NCKAP1L: variants seen among roughly 807,000 people sequenced by gnomAD.
The protein encoded by NCKAP1L is NCK associated protein 1 like.
Under a neutral mutation model 139.2 loss-of-function variants are expected in NCKAP1L, and 53 were observed. The observed-to-expected ratio is 0.38, with a 90% CI of 0.31 to 0.48. The LOEUF (loss-of-function observed/expected upper bound fraction) is 0.48. Ranked by LOEUF, NCKAP1L falls within the 20% of genes least tolerant of loss-of-function variation. The pLI is 0.98. For synonymous variants in NCKAP1L, 468 were observed against 499.7 expected (o/e 0.94, Z 0.85); for missense variants, 1,151 against 1,381.9 (o/e 0.83, Z 2.65).
At chr12:54,517,384 G>A in intron 11 of NCKAP1L, 149 bp from the exon 12 acceptor site, 4 of 633,096 alleles carry the variant, frequency 6.3e-6, no homozygotes, top group Non-Finnish European at 1.1e-5. Context: ...TTCTGTAGTT[G>A]AGGTTTTTTG....
rs995152217 is a variant in NCKAP1L at position 54,546,083 on chromosome 12, G to T, written c.*3398G>T. On this transcript the variant is annotated 3_prime_UTR_variant, in exon 31 of 31. Coordinates refer to ENST00000293373, the MANE Select transcript of NCKAP1L (RefSeq NM_005337.5). ...TCCAAAAATACAAAAAATTAGCTGG[G>T]CATGGTGGCTGTTGTCTGTAATCCC... 1 of 152,260 alleles carries T rather than the reference G, an allele frequency of 6.6e-6. No individual in the cohort carries two copies. The highest frequency in any genetic ancestry group is 1.5e-5 in the Non-Finnish European group (1 of 68,116). 9.4% of individuals were successfully genotyped at this position (152,260 alleles called of 1,614,324 possible). A position where few individuals can be genotyped will look rare whatever the true frequency, so the allele number is the denominator to read the frequency against.
Position 54,526,205 on chromosome 12 carries a change from C to G in NCKAP1L, c.2157-323C>G, listed in dbSNP as rs377164196. ...GATGGAATTAGAGAGCCCAGGTCTTCTACTACCTGAGCTATTTCTCCAGAG... is the reference window on the plus strand; with the variant it reads ...GATGGAATTAGAGAGCCCAGGTCTTGTACTACCTGAGCTATTTCTCCAGAG... On this transcript the variant is annotated intron_variant, in intron 20 of 30. Transcript: ENST00000293373. Among the ~76,000 whole-genome samples the G allele has an allele frequency of 3.9e-5, 6 of 152,282 alleles. No individual in the cohort carries two copies. In the East Asian group the frequency reaches 9.6e-4, roughly 24 times the overall value.
In NCKAP1L at chr12:54,531,425, G is replaced by C. The variant is rs180958619; in HGVS notation, c.2605-66G>C. 6.5e-5 allele frequency: 104 copies of C among 1,597,506 alleles called. No individual in the cohort carries two copies. The African/African-American group carries it at 1.0e-3, about 15-fold the overall frequency. ...GGAAAGAGGGTGGGTATAGGAGACT[G>C]GGGGGGAAGATGTAACATTGGTCTC... On this transcript the variant is annotated intron_variant, in intron 23 of 30. Coordinates refer to ENST00000293373, the MANE Select transcript of NCKAP1L (RefSeq NM_005337.5).
Position 54,531,364 on chromosome 12 carries a change from T to A in NCKAP1L, c.2604+7T>A. 1 of 1,613,822 alleles carries A rather than the reference T, an allele frequency of 6.2e-7. No individual in the cohort carries two copies. Among genetic ancestry groups the A allele is most frequent in the Non-Finnish European group, 8.5e-7 (1 of 1,179,774 alleles). ...TCAGATTGTGGAGCTGAAGGTACTA[T>A]GGAAACAATCCCTTGGGGAAAAGAT... On this transcript the variant is annotated splice_region_variant and intron_variant, in intron 23 of 30. Transcript: ENST00000293373.
At chr12:54,512,959 A>G (rs1042874613) in intron 9 of NCKAP1L, among the ~76,000 whole-genome samples, 2 of 152,322 alleles carry the variant, frequency 1.3e-5, no homozygotes, top group South Asian at 4.1e-4. Context: ...GTGCATGGGC[A>G]TCTGGGTTAT....
chr12:54,522,425 T>A (rs1044460526), intron 18 of NCKAP1L, among the ~76,000 whole-genome samples: 1 of 152,240 alleles, frequency 6.6e-6, no homozygotes, highest in African/African-American at 2.4e-5. Context: ...TTTTCACACA[T>A]ACAGAACTTT....
intron 3 of NCKAP1L, among the ~76,000 whole-genome samples, chr12:54,506,796 A>AAAAAAAATATATATATATAT: frequency 3.2e-4 from 16 of 50,606 alleles, no homozygotes; most frequent in African/African-American, 8.8e-4. Flanking sequence ...AAAAAAAAAA[A>AAAAAAAATATATATATATAT]ATATATATAT....
At chr12:54,525,058 T>C (rs1231160814) in intron 20 of NCKAP1L, among the ~76,000 whole-genome samples, 4 of 152,174 alleles carry the variant, frequency 2.6e-5, no homozygotes, top group African/African-American at 9.7e-5. Context: ...AGACAGTGTG[T>C]CTGCAGCACT....
At position 54,531,841 on chromosome 12, in the gene NCKAP1L, G is replaced by T. The variant is rs1238169008; in HGVS notation, c.2781+16G>T. The stretch of plus-strand genomic sequence containing the variant: ...ACTTCGGGAGGTGAGTTGGTGGGGA[G>T]GGGTCTGTCACAGAGTCACAGATAC... On this transcript the variant is annotated intron_variant, in intron 25 of 30. Transcript: ENST00000293373. The T allele has an allele frequency of 2.5e-6, 4 of 1,597,992 alleles. No individual in the cohort carries two copies. Among genetic ancestry groups the T allele is most frequent in the Middle Eastern group, 1.7e-4 (1 of 6,028 alleles).
rs370847426 is a variant in NCKAP1L, at chr12:54,518,699, G to A, written c.1387G>A (p.Val463Ile). ...EEESIIMSSF[V>I]SILSSLNLKQ... ...GGAGTCCATCATCATGTCCTCATTC[G>A]TCAGTATCCTCTCCTCTCTGAATCT... Residue 463 changes from valine (V) to isoleucine (I), a missense_variant, in exon 14 of 31, where the codon GTC (valine) becomes ATC (isoleucine). By Grantham distance (29) the Val-to-Ile change is conservative. Transcript: ENST00000293373. 16 of 1,614,006 alleles carry A rather than the reference G, an allele frequency of 9.9e-6. No individual in the cohort carries two copies. In the African/African-American group the frequency reaches 1.7e-4, roughly 17 times the overall value.
At chr12:54,538,197 G>T (rs1957127955) in intron 29 of NCKAP1L, among the ~76,000 whole-genome samples, 1 of 152,154 alleles carries the variant, frequency 6.6e-6, no homozygotes, top group South Asian at 2.1e-4. Flanking sequence ...ACATGTCAGG[G>T]ATCATAAGAT....
intron 20 of NCKAP1L, among the ~76,000 whole-genome samples, chr12:54,525,664 T>G (rs1565679845): frequency 6.6e-6 from 1 of 152,224 alleles, no homozygotes; most frequent in Non-Finnish European, 1.5e-5. Flanking sequence ...CCTTCTGTAT[T>G]ATCTTCCCTT....
chr12:54,506,896 G>A (rs1214095375), intron 3 of NCKAP1L, among the ~76,000 whole-genome samples: 10 of 145,346 alleles, frequency 6.9e-5, no homozygotes, highest in South Asian at 6.5e-4. Context: ...TAGGAACTAG[G>A]AACAAAACGA....
chr12:54,520,899 G>C, intron 17 of NCKAP1L, 73 bp downstream of exon 17: 1 of 1,594,384 alleles, frequency 6.3e-7, no homozygotes. Context: ...CAATTCCAAG[G>C]GTTGATTTTG....
chr12:54,505,321 T>A (rs1956831302), intron 3 of NCKAP1L, among the ~76,000 whole-genome samples: 1 of 152,194 alleles, frequency 6.6e-6, no homozygotes, highest in Non-Finnish European at 1.5e-5. Flanking sequence ...ACAGCCTTTT[T>A]TTGGAAGATA....
chr12:54,498,406 T>C (rs1956768276), intron 1 of NCKAP1L, among the ~76,000 whole-genome samples: 1 of 120,574 alleles, frequency 8.3e-6, no homozygotes, highest in South Asian at 2.6e-4. Context: ...TGGTTGTGTG[T>C]GTGTGTGTGT....
chr12:54,510,820 C>A (rs1292845189), intron 7 of NCKAP1L, among the ~76,000 whole-genome samples: 3 of 151,768 alleles, frequency 2.0e-5, no homozygotes, highest in Admixed American at 2.0e-4. Flanking sequence ...CCGCGCCCAG[C>A]CTGTTTATTT....
chr12:54,501,708 G>A (rs1233891808), intron 3 of NCKAP1L, among the ~76,000 whole-genome samples: 1 of 152,140 alleles, frequency 6.6e-6, no homozygotes, highest in East Asian at 1.9e-4. Flanking sequence ...GTATCCCCAT[G>A]TTGGCCAGGG....
intron 22 of NCKAP1L, among the ~76,000 whole-genome samples, chr12:54,528,797 T>A (rs955090847): frequency 4.6e-5 from 7 of 150,654 alleles, no homozygotes; most frequent in Admixed American, 1.3e-4. Context: ...GACTAATTTT[T>A]TATATATATA....
Sources: gnomAD v4.1 joint callset for allele counts (sites outside exome capture counted in the v4.1 genomes callset) on GRCh38, gnomAD v4.1.1 for gene constraint, MANE v1.5 for transcripts, NCBI Gene and HGNC (gene_info 2026-07-23, HGNC 2026-07-21) for gene names.